OSBPL6: variants seen among roughly 807,000 people sequenced by gnomAD.
OSBPL6 encodes oxysterol-binding protein-related protein 6.
OSBPL6 carries 49 observed loss-of-function variants against 125.8 expected under a neutral mutation model. That is an observed-to-expected ratio of 0.39 (90% CI 0.31 to 0.49). OSBPL6 has a LOEUF of 0.49. OSBPL6 is among the 20% of genes least tolerant of loss of function. The pLI is 0.88. For missense variants in OSBPL6, 986 were observed against 1,135.4 expected, an observed-to-expected ratio of 0.87 and a Z score of 1.89; for synonymous variants, 394 against 391.8, an observed-to-expected ratio of 1.01 and a Z score of -0.07.
intron 2 of OSBPL6, among the ~76,000 whole-genome samples, chr2:178,286,436 TA>T (rs1473522108): frequency 6.6e-6 from 1 of 152,372 alleles, no homozygotes; most frequent in Admixed American, 6.5e-5. Flanking sequence ...AACATTCTAT[TA>T]GTATTTATCC....
rs1194531046 is a variant in OSBPL6 at position 178,304,807 on chromosome 2, A to G, written c.-155-1223A>G. 2.0e-5 allele frequency among the ~76,000 whole-genome samples: 3 copies of G among 151,880 alleles called. No homozygotes were observed. In the East Asian group the frequency reaches 5.8e-4, roughly 29 times the overall value. ...TGACCACCATATCGCCATATCTCTGACTCTAGTCATATTGGCTACCACTCA... is the reference window on the plus strand; with the variant it reads ...TGACCACCATATCGCCATATCTCTGGCTCTAGTCATATTGGCTACCACTCA... On this transcript the variant is annotated intron_variant, in intron 2 of 24. Coordinates refer to ENST00000190611, the MANE Select transcript of OSBPL6 (RefSeq NM_032523.4).
intron 12 of OSBPL6, among the ~76,000 whole-genome samples, chr2:178,358,755 A>T (rs1478671829): frequency 1.3e-5 from 2 of 152,152 alleles, no homozygotes; most frequent in Non-Finnish European, 2.9e-5. Flanking sequence ...TAAATGGAAA[A>T]TTTCAAACTA....
At position 178,394,530 on chromosome 2, in the gene OSBPL6, T is replaced by C; in HGVS notation, c.2696+95T>C. On this transcript the variant is annotated intron_variant, in intron 24 of 24. Coordinates refer to ENST00000190611, the MANE Select transcript of OSBPL6 (RefSeq NM_032523.4). The stretch of plus-strand genomic sequence containing the variant: ...GTTAAATGAAAATAAAATGGGTAAA[T>C]GGATTTTGGTATCTTTGCTTTTGGC... 5 of 1,404,308 alleles carry C rather than the reference T, an allele frequency of 3.6e-6. No homozygotes were observed. The South Asian group carries it at 6.9e-5, about 19-fold the overall frequency. 87.0% of individuals were successfully genotyped at this position (1,404,308 alleles called of 1,614,324 possible). A position where few individuals can be genotyped will look rare whatever the true frequency, so the allele number is the denominator to read the frequency against.
intron 22 of OSBPL6, 40 bp downstream of exon 22, chr2:178,391,257 A>G: frequency 6.5e-7 from 1 of 1,542,326 alleles, no homozygotes; most frequent in Non-Finnish European, 8.7e-7. Context: ...GGAGGGCACT[A>G]TGGACAACAG....
At chr2:178,228,451 C>T (rs560838142) in intron 1 of OSBPL6, among the ~76,000 whole-genome samples, 11 of 152,300 alleles carry the variant, frequency 7.2e-5, no homozygotes, top group South Asian at 2.1e-4. Flanking sequence ...AGAAGAATGG[C>T]GTGAAGCCGG....
intron 14 of OSBPL6, 31 bp downstream of exon 14, chr2:178,372,264 C>T: frequency 1.4e-6 from 2 of 1,473,738 alleles, no homozygotes; most frequent in African/African-American, 1.4e-5. Context: ...ATGCAGAGTA[C>T]CTATTTTTTA....
chr2:178,382,534 G>GT, intron 16 of OSBPL6, 27 bp downstream of exon 16: 1 of 1,613,774 alleles, frequency 6.2e-7, no homozygotes, highest in Non-Finnish European at 8.5e-7. Flanking sequence ...CTTCCAGGTT[G>GT]TTCTATCTAC....
intron 1 of OSBPL6, among the ~76,000 whole-genome samples, chr2:178,239,478 G>A (rs930153840): frequency 5.3e-5 from 8 of 151,922 alleles, no homozygotes; most frequent in Non-Finnish European, 1.2e-4. Flanking sequence ...AAGTTGTAGT[G>A]AGCCAAGATT....
At chr2:178,263,649 T>C (rs2092133645) in intron 1 of OSBPL6, among the ~76,000 whole-genome samples, 1 of 152,180 alleles carries the variant, frequency 6.6e-6, no homozygotes, top group South Asian at 2.1e-4. Flanking sequence ...TGACTCTTGG[T>C]AAGTGTGGTT....
chr2:178,362,994 T>C (rs115536438), intron 13 of OSBPL6, among the ~76,000 whole-genome samples: 2,077 of 152,320 alleles, frequency 0.014, 42 homozygotes, highest in African/African-American at 0.048. Context: ...TTAATTGGTC[T>C]TCCAAATCAT....
At chr2:178,265,238 A>C (rs2092195928) in intron 1 of OSBPL6, among the ~76,000 whole-genome samples, 2 of 87,550 alleles carry the variant, frequency 2.3e-5, no homozygotes, top group Admixed American at 1.6e-4. Flanking sequence ...TTAAGATAGC[A>C]TCTTGCTCTG....
At chr2:178,324,319 G>A in intron 4 of OSBPL6, 50 bp downstream of exon 4, 1 of 1,335,908 alleles carries the variant, frequency 7.5e-7, no homozygotes, top group Non-Finnish European at 1.0e-6. Context: ...GCCTGCTCTG[G>A]GGCCAATTGA....
chr2:178,395,240 C>G (rs564216505), intron 24 of OSBPL6, among the ~76,000 whole-genome samples: 2 of 152,318 alleles, frequency 1.3e-5, no homozygotes, highest in Admixed American at 1.3e-4. Flanking sequence ...TCCTCTCCCC[C>G]TGGCCCTACC....
At position 178,332,924 on chromosome 2, in the gene OSBPL6, G is replaced by A. The variant is rs764936609; in HGVS notation, c.540G>A (p.Arg180=). The change falls in exon 8 of 25, where the codon CGG becomes CGA. Residue 180 remains arginine, a synonymous_variant. Transcript: ENST00000190611. ...DAWVSKLRHH[R]LYRQNEIVRS... ...GGGTCTCCAAACTGCGACATCATCG[G>A]TTGTATCGTCAGAATGAAATTGTGA... The A allele has an allele frequency of 5.1e-5, 82 of 1,613,966 alleles. 3 individuals carry two copies. The highest frequency in any genetic ancestry group is 2.0e-4 in the South Asian group (18 of 91,090).
chr2:178,318,883 T>C (rs1687997666), intron 3 of OSBPL6, among the ~76,000 whole-genome samples: 1 of 152,232 alleles, frequency 6.6e-6, no homozygotes, highest in Non-Finnish European at 1.5e-5. Flanking sequence ...TTTATTCCTG[T>C]AATGTTTATA....
chr2:178,349,530 A>G, intron 12 of OSBPL6, 141 bp downstream of exon 12: 1 of 958,480 alleles, frequency 1.0e-6, no homozygotes, highest in Non-Finnish European at 1.5e-6. Context: ...TATATACAAA[A>G]ATGCAACAGG....
chr2:178,329,363 G>A (rs1688983545), intron 5 of OSBPL6, among the ~76,000 whole-genome samples: 1 of 151,886 alleles, frequency 6.6e-6, no homozygotes, highest in Non-Finnish European at 1.5e-5. Flanking sequence ...ATACTAAGGA[G>A]GAGAAAGTTG....
At chr2:178,199,448 A>G (rs983978564) in intron 1 of OSBPL6, among the ~76,000 whole-genome samples, 5 of 152,122 alleles carry the variant, frequency 3.3e-5, no homozygotes, top group Admixed American at 2.0e-4. Flanking sequence ...TAGAAGGCCG[A>G]CTGATTTTAT....
chr2:178,208,017 G>A lies in OSBPL6; in HGVS notation c.-351+13343G>A, dbSNP rs147763208. Among the ~76,000 whole-genome samples the A allele has an allele frequency of 5.4e-3, 826 of 152,246 alleles. 8 individuals carry two copies. The highest frequency in any genetic ancestry group is 0.019 in the African/African-American group (801 of 41,546). On this transcript the variant is annotated intron_variant, in intron 1 of 24. Transcript: ENST00000190611. ...ATAAAGTGCCGGGCTGGGCATGGTGGCTCATGCCTGTAATCCCAGCACTTC... is the reference window on the plus strand; with the variant it reads ...ATAAAGTGCCGGGCTGGGCATGGTGACTCATGCCTGTAATCCCAGCACTTC...
Sources: allele counts gnomAD v4.1 joint callset (sites outside exome capture counted in the v4.1 genomes callset), GRCh38; gene constraint gnomAD v4.1.1; transcripts MANE v1.5; gene names NCBI Gene and HGNC (gene_info 2026-07-23, HGNC 2026-07-21).